Variants in DLGAP2 observed in about 807,000 individuals in gnomAD.
DLGAP2 encodes the protein disks large-associated protein 2.
DLGAP2 carries 26 observed loss-of-function variants against 100.3 expected under a neutral mutation model. The ratio of observed to expected loss-of-function variants is 0.26; its 90% CI spans 0.19 to 0.36. The LOEUF (loss-of-function observed/expected upper bound fraction) is 0.36. DLGAP2 is among the 10% of genes least tolerant of loss of function. The probability of loss-of-function intolerance (pLI) is 1.00; values close to 1 mark genes in which losing one functional copy is unlikely to be tolerated. For missense variants in DLGAP2, 1,858 were observed against 1,453.2 expected (o/e 1.28, Z -4.53); for synonymous variants, 886 against 630.1 (o/e 1.41, Z -6.08).
chr8:1,323,100 G>C (rs115179905), intron 3 of DLGAP2, among the ~76,000 whole-genome samples: 1 of 150,982 alleles, frequency 6.6e-6, no homozygotes, highest in Non-Finnish European at 1.5e-5. Flanking sequence ...GCGTGATCTC[G>C]GTTCATGCAA....
At chr8:1,549,779 A>G in intron 5 of DLGAP2, 96 bp downstream of exon 5, 2 of 1,288,494 alleles carry the variant, frequency 1.6e-6, no homozygotes, top group Non-Finnish European at 2.1e-6. Flanking sequence ...CTGCATACAC[A>G]TTTAGGTTGT....
intron 3 of DLGAP2, among the ~76,000 whole-genome samples, chr8:1,293,376 G>T (rs886088539): frequency 6.7e-6 from 1 of 149,440 alleles, no homozygotes; most frequent in African/African-American, 2.5e-5. Flanking sequence ...TGGGCTCCCG[G>T]ACGGCTGAGC....
At chr8:903,921 T>C (rs1304710478) in intron 1 of DLGAP2, among the ~76,000 whole-genome samples, 2 of 152,218 alleles carry the variant, frequency 1.3e-5, no homozygotes, top group African/African-American at 4.8e-5. Flanking sequence ...AGGGACCCTC[T>C]GTTCCCCTGG....
intron 2 of DLGAP2, among the ~76,000 whole-genome samples, chr8:972,965 C>T (rs1444687846): frequency 6.6e-6 from 1 of 152,238 alleles, no homozygotes; most frequent in African/African-American, 2.4e-5. Context: ...CATTCCAAGG[C>T]AGAAGAATTT....
intron 3 of DLGAP2, among the ~76,000 whole-genome samples, chr8:1,304,473 C>G (rs866778651): frequency 2.6e-5 from 4 of 152,188 alleles, no homozygotes; most frequent in South Asian, 2.1e-4. Flanking sequence ...ACATTAAACA[C>G]TTTCAGCAAA....
chr8:1,058,042 T>C (rs1266619629), intron 2 of DLGAP2, among the ~76,000 whole-genome samples: 1 of 152,168 alleles, frequency 6.6e-6, no homozygotes, highest in Non-Finnish European at 1.5e-5. Context: ...CTGGTGAACT[T>C]AACAGTTTTG....
intron 3 of DLGAP2, among the ~76,000 whole-genome samples, chr8:1,379,147 C>A (rs1563116029): frequency 6.6e-6 from 1 of 152,290 alleles, no homozygotes. Flanking sequence ...CTTCCCTGAG[C>A]CCTGCCTAGA....
Position 1,316,842 on chromosome 8 carries a change from C to T in DLGAP2, c.106+57959C>T, listed in dbSNP as rs139511134. On this transcript the variant is annotated intron_variant, in intron 3 of 14. Coordinates refer to ENST00000637795, the MANE Select transcript of DLGAP2 (RefSeq NM_001346810.2). Reference sequence around the variant, plus strand: ...AAAAATAGAGCCTGTGCGAGTGCAGCGTCTCTCCCACAGTGGTCTACACTC... The same window carrying T: ...AAAAATAGAGCCTGTGCGAGTGCAGTGTCTCTCCCACAGTGGTCTACACTC... 2.7e-3 allele frequency among the ~76,000 whole-genome samples: 385 copies of T among 143,664 alleles called. 1 individual carries two copies. In the East Asian group the frequency reaches 0.053, roughly 20 times the overall value. 94.2% of individuals were successfully genotyped at this position (143,664 alleles called of 152,430 possible).
chr8:817,405 C>T (rs891638668), intron 1 of DLGAP2, among the ~76,000 whole-genome samples: 13 of 152,202 alleles, frequency 8.5e-5, no homozygotes, highest in Non-Finnish European at 1.9e-4. Flanking sequence ...AGTTGGACTT[C>T]ACCTTTCTCT....
chr8:1,460,146 A>C (rs1563162643), intron 3 of DLGAP2, among the ~76,000 whole-genome samples: 1 of 152,184 alleles, frequency 6.6e-6, no homozygotes, highest in Non-Finnish European at 1.5e-5. Context: ...GCTTCTGTCC[A>C]CACCATGCTT....
intron 2 of DLGAP2, among the ~76,000 whole-genome samples, chr8:1,087,580 T>G (rs1247929854): frequency 6.6e-6 from 1 of 151,658 alleles, no homozygotes; most frequent in African/African-American, 2.4e-5. Context: ...GTTCTCTCTG[T>G]GCCATCTTCA....
At chr8:1,689,694 C>G (rs1485010494) in intron 12 of DLGAP2, among the ~76,000 whole-genome samples, 2 of 152,104 alleles carry the variant, frequency 1.3e-5, no homozygotes, top group African/African-American at 4.8e-5. Flanking sequence ...GATGACGCCC[C>G]GTGAGCCAGC....
intron 2 of DLGAP2, among the ~76,000 whole-genome samples, chr8:1,044,993 A>G (rs1802477569): frequency 6.6e-6 from 1 of 152,218 alleles, no homozygotes; most frequent in Non-Finnish European, 1.5e-5. Flanking sequence ...CTACAGACTT[A>G]AAAGGTCCTT....
In DLGAP2 at chr8:1,161,570, C is replaced by T. The variant is rs147273997; in HGVS notation, c.74-97281C>T. On this transcript the variant is annotated intron_variant, in intron 2 of 14. Coordinates refer to ENST00000637795, the MANE Select transcript of DLGAP2 (RefSeq NM_001346810.2). ...ACTCACATTTCAGGTAGAAAATCGG[C>T]GCCTTCCCAAACTCCGCTCCACAGA... Among the ~76,000 whole-genome samples the T allele has an allele frequency of 6.7e-3, 1,028 of 152,316 alleles. 15 individuals are homozygous for T. Among genetic ancestry groups the T allele is most frequent in the African/African-American group, 0.023 (958 of 41,560 alleles).
intron 13 of DLGAP2, among the ~76,000 whole-genome samples, chr8:1,695,200 C>T (rs1269193493): frequency 1.5e-4 from 23 of 152,216 alleles, no homozygotes; most frequent in African/African-American, 4.6e-4. Context: ...CAGGCACAGC[C>T]GTGCCCGGCC....
chr8:947,051 A>ACT (rs1799343820), intron 2 of DLGAP2, among the ~76,000 whole-genome samples: 1 of 152,154 alleles, frequency 6.6e-6, no homozygotes, highest in Non-Finnish European at 1.5e-5. Flanking sequence ...GGCTCCCAGG[A>ACT]AGGCGCCTCC....
chr8:1,233,460 G>T (rs1434889348), intron 2 of DLGAP2, among the ~76,000 whole-genome samples: 1 of 152,192 alleles, frequency 6.6e-6, no homozygotes, highest in East Asian at 1.9e-4. Flanking sequence ...GGGCCTGAAT[G>T]GTTGGCTAAC....
intron 3 of DLGAP2, among the ~76,000 whole-genome samples, chr8:1,464,217 G>T (rs1040308414): frequency 1.3e-5 from 2 of 151,476 alleles, no homozygotes; most frequent in African/African-American, 4.9e-5. Flanking sequence ...ACCCTTCCAG[G>T]ACGGCTCCCT....
intron 3 of DLGAP2, among the ~76,000 whole-genome samples, chr8:1,338,483 G>A (rs1321592444): frequency 6.6e-6 from 1 of 152,192 alleles, no homozygotes; most frequent in Non-Finnish European, 1.5e-5. Context: ...TCTGGGGGCA[G>A]GAAGGAAGGA....
Sources: gnomAD v4.1 joint callset for allele counts (sites outside exome capture counted in the v4.1 genomes callset) on GRCh38, gnomAD v4.1.1 for gene constraint, MANE v1.5 for transcripts, NCBI Gene and HGNC (gene_info 2026-07-23, HGNC 2026-07-21) for gene names.